Variants in G6PC1 observed in about 807,000 individuals in gnomAD.
G6PC1 encodes the protein G-6-Pase.
G6PC1 carries 23 observed loss-of-function variants against 30.4 expected under a neutral mutation model. That is an observed-to-expected ratio of 0.76 (90% confidence interval 0.55 to 1.07). G6PC1 has a LOEUF of 1.07. Among genes scored for constraint, G6PC1 ranks in the 50% least tolerant of loss-of-function variants. The pLI is 0.00. For synonymous variants in G6PC1, 163 were observed against 175.6 expected (o/e 0.93, Z 0.57); for missense variants, 391 against 433.9 (o/e 0.90, Z 0.88).
At chr17:42,908,183 C>T (rs1281430397) in intron 3 of G6PC1, among the ~76,000 whole-genome samples, 1 of 152,022 alleles carries the variant, frequency 6.6e-6, no homozygotes, top group African/African-American at 2.4e-5. Context: ...GGCCACACAC[C>T]ACACCCAGCT....
chr17:42,905,463 C>T (rs1484323282), intron 2 of G6PC1, among the ~76,000 whole-genome samples: 2 of 130,218 alleles, frequency 1.5e-5, no homozygotes, highest in Admixed American at 1.6e-4. Flanking sequence ...CACACACACA[C>T]ACACACACAC....
At chr17:42,901,301 A>G (rs1292593736) in intron 1 of G6PC1, among the ~76,000 whole-genome samples, 195 bp downstream of exon 1, 2 of 152,218 alleles carry the variant, frequency 1.3e-5, no homozygotes, top group East Asian at 3.8e-4. Flanking sequence ...TGAGTTGAAA[A>G]TACAGGAAAG....
Position 42,910,967 on chromosome 17 carries a change from C to A in G6PC1, c.615C>A (p.Ser205Arg). ...ACATCCACAGCATCTATAATGCCAG[C>A]CTCAAGAAATATTTTCTCATTACCT... ...FSHIHSIYNA[S>R]LKKYFLITFF... The change falls in exon 5 of 5, where the codon AGC (serine) becomes AGA (arginine). Residue 205 changes from serine (S) to arginine (R), a missense_variant. By Grantham distance (110) the Ser-to-Arg change is moderately radical (BLOSUM62 -1). Transcript: ENST00000253801. 1 of 1,614,198 alleles carries A rather than the reference C, an allele frequency of 6.2e-7. No homozygotes were observed. Among genetic ancestry groups the A allele is most frequent in the Non-Finnish European group, 8.5e-7 (1 of 1,180,024 alleles).
In G6PC1 at chr17:42,911,800, A is replaced by C. The variant is rs1487177186; in HGVS notation, c.*374A>C. 1.2e-5 allele frequency: 4 copies of C among 335,660 alleles called. No homozygotes were observed. Among genetic ancestry groups the C allele is most frequent in the Non-Finnish European group, 2.3e-5 (4 of 176,908 alleles). 20.8% of individuals were successfully genotyped at this position (335,660 alleles called of 1,614,324 possible). A position where few individuals can be genotyped will look rare whatever the true frequency, so the allele number is the denominator to read the frequency against. On this transcript the variant is annotated 3_prime_UTR_variant, in exon 5 of 5. Coordinates refer to ENST00000253801, the MANE Select transcript of G6PC1 (RefSeq NM_000151.4). ...CCATTTTGAGGCCAGAGGTGCTGTCAGCTCAGGTGGTCCTCTTTTACAATC... is the reference window on the plus strand; with the variant it reads ...CCATTTTGAGGCCAGAGGTGCTGTCCGCTCAGGTGGTCCTCTTTTACAATC...
chr17:42,901,000 G>A lies in G6PC1; in HGVS notation c.124G>A (p.Ala42Thr), dbSNP rs1311303870. The A allele has an allele frequency of 2.5e-6, 4 of 1,614,188 alleles. No homozygotes were observed. In the South Asian group the frequency reaches 4.4e-5, roughly 18 times the overall value. The change falls in exon 1 of 5, where the codon GCC (alanine) becomes ACC (threonine). Residue 42 changes from alanine to threonine, a missense_variant. Coordinates refer to ENST00000253801, the MANE Select transcript of G6PC1 (RefSeq NM_000151.4). ...LVSVIADLRN[A>T]FYVLFPIWFH... ...GTCCGTGATCGCAGACCTCAGGAAT[G>A]CCTTCTACGTCCTCTTCCCCATCTG...
At position 42,911,288 on chromosome 17, in the gene G6PC1, G is replaced by C; in HGVS notation, c.936G>C (p.Leu312Phe). The C allele has an allele frequency of 6.2e-7, 1 of 1,614,136 alleles. No homozygotes were observed. Among genetic ancestry groups the C allele is most frequent in the Non-Finnish European group, 8.5e-7 (1 of 1,180,030 alleles). ...TCCTCCTGCACGTCTTTGACTCCTTGAAACCCCCATCCCAAGTCGAGCTGG... is the reference window on the plus strand; with the variant it reads ...TCCTCCTGCACGTCTTTGACTCCTTCAAACCCCCATCCCAAGTCGAGCTGG... ...SLVLLHVFDS[L>F]KPPSQVELVF... Residue 312 changes from leucine to phenylalanine, a missense_variant, in exon 5 of 5, where the codon TTG becomes TTC. Physicochemically the swap from Leu to Phe is conservative, Grantham distance 22 (BLOSUM62 0). Coordinates refer to ENST00000253801, the MANE Select transcript of G6PC1 (RefSeq NM_000151.4).
In G6PC1 at chr17:42,911,317, T is replaced by A. The variant is rs863224022; in HGVS notation, c.965T>A (p.Phe322Tyr). 6 of 1,614,224 alleles carry A rather than the reference T, an allele frequency of 3.7e-6. No individual in the cohort carries two copies. The highest frequency in any genetic ancestry group is 4.2e-6 in the Non-Finnish European group (5 of 1,180,034). The change falls in exon 5 of 5, where the codon TTC becomes TAC. Residue 322 changes from phenylalanine to tyrosine, a missense_variant. Physicochemically the swap from Phe to Tyr is conservative, Grantham distance 22. Coordinates refer to ENST00000253801, the MANE Select transcript of G6PC1 (RefSeq NM_000151.4). Reference sequence around the variant, plus strand: ...CCCCCATCCCAAGTCGAGCTGGTCTTCTACGTCTTGTCCTTCTGCAAGAGT... The same window carrying A: ...CCCCCATCCCAAGTCGAGCTGGTCTACTACGTCTTGTCCTTCTGCAAGAGT... ...LKPPSQVELV[F>Y]YVLSFCKSAV...
rs2056113013 is a variant in G6PC1, at chr17:42,914,214, G to T, written c.*2788G>T. Among the ~76,000 whole-genome samples, 1 of 151,752 alleles carries T rather than the reference G, an allele frequency of 6.6e-6. No individual in the cohort carries two copies. Among genetic ancestry groups the T allele is most frequent in the African/African-American group, 2.4e-5 (1 of 41,280 alleles). On this transcript the variant is annotated 3_prime_UTR_variant, in exon 5 of 5. Transcript: ENST00000253801. Reference sequence around the variant, plus strand: ...CCTCCCAAAGTGCTGGGATTACAGTGTGAGCCACTGCGCTTGGCCAGAAAT... The same window carrying T: ...CCTCCCAAAGTGCTGGGATTACAGTTTGAGCCACTGCGCTTGGCCAGAAAT...
intron 2 of G6PC1, among the ~76,000 whole-genome samples, chr17:42,906,300 G>A (rs545768607): frequency 2.6e-5 from 4 of 152,082 alleles, no homozygotes; most frequent in East Asian, 1.9e-4. Flanking sequence ...GGAGAGGTCC[G>A]GTTGTGATTC....
In G6PC1 at chr17:42,904,041, G is replaced by T. The variant is rs1231133428; in HGVS notation, c.340+1G>T. On this transcript the variant is annotated splice_donor_variant, in intron 2 of 4. Transcript: ENST00000253801. LOFTEE classifies it high-confidence loss of function. Reference sequence around the variant, plus strand: ...CCTGTAACCTGTGAGACTGGACCAGGTAAGCGTCCCAGCCCCTGCAGACAG... The same window carrying T: ...CCTGTAACCTGTGAGACTGGACCAGTTAAGCGTCCCAGCCCCTGCAGACAG... 1 of 1,603,480 alleles carries T rather than the reference G, an allele frequency of 6.2e-7. No homozygotes were observed. Among genetic ancestry groups the T allele is most frequent in the East Asian group, 2.2e-5 (1 of 44,856 alleles).
chr17:42,905,561 C>T (rs989306833), intron 2 of G6PC1, among the ~76,000 whole-genome samples: 2 of 141,386 alleles, frequency 1.4e-5, no homozygotes, highest in African/African-American at 5.3e-5. Context: ...GAAAGAAGGA[C>T]CAAACATCTT....
rs2056108427 is a variant in G6PC1 at position 42,913,399 on chromosome 17, T to G, written c.*1973T>G. ...GTTTCTAATTCTGGCCCAACTAAAT[T>G]TCTAGCTCTGTTTCCCTAAACAAAT... is the stretch of plus-strand genomic sequence containing the variant. On this transcript the variant is annotated 3_prime_UTR_variant, in exon 5 of 5. Transcript: ENST00000253801. 1 of 152,220 alleles carries G rather than the reference T, an allele frequency of 6.6e-6. No individual in the cohort carries two copies. The highest frequency in any genetic ancestry group is 2.4e-5 in the African/African-American group (1 of 41,446). The allele number at this position is 152,220 out of a possible 1,614,324, so 9.4% of individuals were successfully genotyped here.
At chr17:42,910,817 C>T (rs760800567) in intron 4 of G6PC1, 98 bp from the exon 5 acceptor site, 20 of 1,156,486 alleles carry the variant, frequency 1.7e-5, no homozygotes, top group South Asian at 3.7e-5. Context: ...ATTCCACAGT[C>T]GCAGAACGGA....
At chr17:42,905,288 C>T (rs2056052112) in intron 2 of G6PC1, among the ~76,000 whole-genome samples, 1 of 149,536 alleles carries the variant, frequency 6.7e-6, no homozygotes, top group African/African-American at 2.5e-5. Context: ...AGCTGGGTGT[C>T]CTGGTGCATG....
intron 4 of G6PC1, among the ~76,000 whole-genome samples, chr17:42,910,690 C>T (rs575971059): frequency 9.9e-5 from 15 of 152,202 alleles, no homozygotes; most frequent in Admixed American, 5.2e-4. Flanking sequence ...AATTTGCATA[C>T]GGTGGGAGAT....
chr17:42,904,372 C>CA (rs1280744056), intron 2 of G6PC1: 1 of 380,532 alleles, frequency 2.6e-6, no homozygotes, highest in Non-Finnish European at 5.1e-6. Flanking sequence ...TGGCCTGGCC[C>CA]ACTGGATGTG....
In G6PC1 at chr17:42,904,003, G is replaced by A; in HGVS notation, c.303G>A (p.Leu101=). Residue 101 remains leucine (L), a synonymous_variant, in exon 2 of 5, where the codon CTG becomes CTA. Transcript: ENST00000253801. Reference sequence around the variant, plus strand: ...ACTACAGCAACACTTCCGTGCCCCTGATAAAGCAGTTCCCTGTAACCTGTG... The same window carrying A: ...ACTACAGCAACACTTCCGTGCCCCTAATAAAGCAGTTCCCTGTAACCTGTG... ...TDYYSNTSVP[L]IKQFPVTCET... 6.2e-7 allele frequency: 1 copy of A among 1,614,078 alleles called. No individual in the cohort carries two copies. Among genetic ancestry groups the A allele is most frequent in the Non-Finnish European group, 8.5e-7 (1 of 1,179,944 alleles).
Position 42,911,481 on chromosome 17 carries a change from G to T in G6PC1, c.*55G>T. ...AACAACCATGCCAGGGATTGAGGAG[G>T]ACTACTATTTGAAGCAATGGGCACT... On this transcript the variant is annotated 3_prime_UTR_variant, in exon 5 of 5. Coordinates refer to ENST00000253801, the MANE Select transcript of G6PC1 (RefSeq NM_000151.4). 2 of 1,612,050 alleles carry T rather than the reference G, an allele frequency of 1.2e-6. No individual in the cohort carries two copies. Among genetic ancestry groups the T allele is most frequent in the Admixed American group, 1.7e-5 (1 of 60,006 alleles).
intron 1 of G6PC1, among the ~76,000 whole-genome samples, chr17:42,901,365 G>A (rs2056025104): frequency 1.3e-5 from 2 of 152,132 alleles, no homozygotes; most frequent in African/African-American, 2.4e-5. Context: ...AAAAGTCTGA[G>A]TTATATAGGC....
Sources: gnomAD v4.1 joint callset for allele counts (sites outside exome capture counted in the v4.1 genomes callset) on GRCh38, gnomAD v4.1.1 for gene constraint, MANE v1.5 for transcripts, NCBI Gene and HGNC (gene_info 2026-07-23, HGNC 2026-07-21) for gene names.